Variants in CASD1 observed in about 807,000 individuals in gnomAD.
CASD1 encodes the protein N-acetylneuraminate (7)9-O-acetyltransferase.
A neutral mutation model predicts 100.0 loss-of-function variants in CASD1; 41 were observed. That is an observed-to-expected ratio of 0.41 (90% CI 0.32 to 0.53). The LOEUF (loss-of-function observed/expected upper bound fraction) is 0.53. Ranked by LOEUF, CASD1 falls within the 20% of genes least tolerant of loss-of-function variation. The pLI, the probability that CASD1 is intolerant of heterozygous loss-of-function variation, is 0.25. For missense variants in CASD1, 774 were observed against 948.7 expected (o/e 0.82, Z 2.42); for synonymous variants, 321 against 315.6 (o/e 1.02, Z -0.18).
chr7:94,568,973 G>T, the CASD1 span, among the ~76,000 whole-genome samples: 2 of 152,166 alleles, frequency 1.3e-5, no homozygotes, highest in African/African-American at 4.8e-5. Context: ...TATTATAGCA[G>T]CCCAAATGGA....
chr7:94,580,786 G>A, the CASD1 span, among the ~76,000 whole-genome samples: 1 of 152,108 alleles, frequency 6.6e-6, no homozygotes, highest in Non-Finnish European at 1.5e-5. Context: ...ATACTTCTTC[G>A]CATACCAGCA....
chr7:94,568,260 GCAACT>G, the CASD1 span, among the ~76,000 whole-genome samples: 1 of 152,040 alleles, frequency 6.6e-6, no homozygotes, highest in Non-Finnish European at 1.5e-5. Context: ...GCTATAGGTA[GCAACT>G]CAAGTCAGTT....
chr7:94,600,430 A>G, the CASD1 span: 1 of 517,362 alleles, frequency 1.9e-6, no homozygotes, highest in Admixed American at 3.4e-5. Context: ...AGCCTTAATA[A>G]TTTTTGAATA....
the CASD1 span, among the ~76,000 whole-genome samples, chr7:94,630,196 T>G: frequency 6.6e-6 from 1 of 151,894 alleles, no homozygotes; most frequent in Non-Finnish European, 1.5e-5. Flanking sequence ...TCATGAGAAC[T>G]GACCAGCTAC....
chr7:94,588,958 A>G, the CASD1 span: 3 of 553,868 alleles, frequency 5.4e-6, no homozygotes, highest in East Asian at 6.4e-5. Flanking sequence ...ACTGCGGGCT[A>G]TACTCTAAAG....
the CASD1 span, chr7:94,628,000 T>C: frequency 6.5e-5 from 34 of 526,896 alleles, no homozygotes; most frequent in Middle Eastern, 5.1e-4. Context: ...ATTTTTAATA[T>C]AAAAGCTGAA....
chr7:94,581,813 G>C, the CASD1 span, among the ~76,000 whole-genome samples: 2 of 152,294 alleles, frequency 1.3e-5, no homozygotes, highest in African/African-American at 2.4e-5. Context: ...CTCTGCTGTT[G>C]TGAATAGTGC....
chr7:94,537,668 T>G lies in CASD1; in HGVS notation c.1040T>G (p.Leu347Trp). ...CGGAAGAATAAGCCGTGTACTGATT[T>G]GGAAAGTGGAGAGGAAAAGAAAAAT... ...AHRKNKPCTDLESGEEKKNII... is the reference protein window; with the variant it reads ...AHRKNKPCTDWESGEEKKNII... Residue 347 changes from leucine (L) to tryptophan (W), a missense_variant, in exon 9 of 18, where the codon TTG becomes TGG. Physicochemically the swap from Leu to Trp is moderately conservative, Grantham distance 61 (BLOSUM62 -2). This residue lies in a region of CASD1 where 453 missense variants were observed against 532.6 expected (regional missense o/e 0.85). Transcript: ENST00000297273. 1 of 1,613,812 alleles carries G rather than the reference T, an allele frequency of 6.2e-7. No homozygotes were observed. The highest frequency in any genetic ancestry group is 8.5e-7 in the Non-Finnish European group (1 of 1,179,812).
In CASD1 at chr7:94,547,111, A is replaced by G. The variant is rs370467328; in HGVS notation, c.1649A>G (p.His550Arg). The G allele has an allele frequency of 7.2e-5, 115 of 1,590,714 alleles. 1 individual carries two copies. The highest frequency in any genetic ancestry group is 9.1e-5 in the Non-Finnish European group (106 of 1,168,066). The change falls in exon 13 of 18, where the codon CAT becomes CGT. Residue 550 changes from histidine to arginine, a missense_variant. His to Arg is a conservative substitution (Grantham distance 29, BLOSUM62 0). Coordinates refer to ENST00000297273, the MANE Select transcript of CASD1 (RefSeq NM_022900.5). Reference protein sequence around the residue: ...QKKANGNCFWHFGLLLKLGFL... With the variant: ...QKKANGNCFWRFGLLLKLGFL... ...TCTCTCTTAGGAAATTGTTTCTGGC[A>G]TTTTGGCTTACTGTTGAAACTAGGC... is the stretch of plus-strand genomic sequence containing the variant.
At chr7:94,554,368 A>G in intron 16 of CASD1, 115 bp from the exon 17 acceptor site, 1 of 644,744 alleles carries the variant, frequency 1.6e-6, no homozygotes, top group South Asian at 2.2e-5. Flanking sequence ...AGACTGTTGT[A>G]TATGTGTCAA....
chr7:94,600,063 T>G, the CASD1 span: 1 of 228,560 alleles, frequency 4.4e-6, no homozygotes, highest in Non-Finnish European at 8.5e-6. Context: ...TTTGCTTTGT[T>G]GCCCTGACTT....
the CASD1 span, among the ~76,000 whole-genome samples, chr7:94,572,026 C>G: frequency 6.6e-6 from 1 of 152,064 alleles, no homozygotes; most frequent in African/African-American, 2.4e-5. Flanking sequence ...GGAATTCTCT[C>G]AAAAACATCT....
At chr7:94,534,660 G>A (rs1238438772) in intron 7 of CASD1, among the ~76,000 whole-genome samples, 1 of 151,890 alleles carries the variant, frequency 6.6e-6, no homozygotes, top group East Asian at 1.9e-4. Context: ...GGATATTTTA[G>A]CAATTCATGT....
the CASD1 span, among the ~76,000 whole-genome samples, chr7:94,580,296 T>TCAC: frequency 6.6e-6 from 1 of 152,204 alleles, no homozygotes. Flanking sequence ...ACCTTGGGTC[T>TCAC]CACCTTCCCC....
the CASD1 span, among the ~76,000 whole-genome samples, chr7:94,579,983 G>GTTCCTCAAC: frequency 5.9e-5 from 9 of 152,234 alleles, no homozygotes; most frequent in African/African-American, 1.9e-4. Context: ...GCTCCTCTCT[G>GTTCCTCAAC]TTCCTCAACA....
intron 16 of CASD1, 197 bp from the exon 17 acceptor site, chr7:94,554,286 C>A (rs1796098657): frequency 2.2e-6 from 1 of 459,716 alleles, no homozygotes. Context: ...GCATACCGAC[C>A]ATGTGTTGAG....
At chr7:94,587,513 T>C in the CASD1 span, 2 of 1,298,290 alleles carry the variant, frequency 1.5e-6, no homozygotes, top group South Asian at 2.7e-5. Context: ...TTTAGAAATT[T>C]TCCTTTTAAA....
chr7:94,579,517 T>C, the CASD1 span, among the ~76,000 whole-genome samples: 1 of 152,214 alleles, frequency 6.6e-6, no homozygotes, highest in Non-Finnish European at 1.5e-5. Flanking sequence ...TAATAAAATT[T>C]GTACAAAAAT....
the CASD1 span, among the ~76,000 whole-genome samples, chr7:94,592,751 TGTGA>T: frequency 6.6e-6 from 1 of 152,144 alleles, no homozygotes; most frequent in Non-Finnish European, 1.5e-5. Flanking sequence ...ACCGTAATTC[TGTGA>T]GTAAGGTTGA....
Sources: gnomAD v4.1 joint callset for allele counts (sites outside exome capture counted in the v4.1 genomes callset) on GRCh38, gnomAD v4.1.1 for gene constraint, gnomAD v4.1.1 regional missense constraint, MANE v1.5 for transcripts, NCBI Gene and HGNC (gene_info 2026-07-23, HGNC 2026-07-21) for gene names.